The following CBFA2T3 variants were observed in gnomAD, a reference collection of about 807,000 sequenced individuals.
CBFA2T3 encodes transcriptional corepressor CBFA2T3.
Under a neutral mutation model 58.6 loss-of-function variants are expected in CBFA2T3, and 31 were observed. The ratio of observed to expected loss-of-function variants is 0.53; its 90% confidence interval spans 0.40 to 0.71. CBFA2T3 has a LOEUF of 0.71. Among genes scored for constraint, CBFA2T3 ranks in the 30% least tolerant of loss-of-function variants. The probability of loss-of-function intolerance (pLI) is 0.00; values close to 1 mark genes in which losing one functional copy is unlikely to be tolerated. For synonymous variants in CBFA2T3, 531 were observed against 421.9 expected, an observed-to-expected ratio of 1.26 and a Z score of -3.17; for missense variants, 1,076 against 963.1, an observed-to-expected ratio of 1.12 and a Z score of -1.55.
chr16:88,969,277 A>T (rs1972589481), intron 1 of CBFA2T3, among the ~76,000 whole-genome samples: 1 of 151,958 alleles, frequency 6.6e-6, no homozygotes, highest in Non-Finnish European at 1.5e-5. Context: ...CTCAAAACAC[A>T]CCTGGACTTG....
intron 1 of CBFA2T3, among the ~76,000 whole-genome samples, chr16:88,918,726 T>C (rs1223417230): frequency 6.6e-6 from 1 of 152,224 alleles, no homozygotes; most frequent in African/African-American, 2.4e-5. Flanking sequence ...ACTTTTGAAA[T>C]GTCCCAGAAG....
At chr16:88,939,038 C>T (rs993094413) in intron 1 of CBFA2T3, 1 of 152,182 alleles carries the variant, frequency 6.6e-6, no homozygotes, top group Non-Finnish European at 1.5e-5. Flanking sequence ...GGATTAGTGA[C>T]CCAGCCTGCT....
At chr16:88,917,171 C>T (rs1970766045) in intron 1 of CBFA2T3, among the ~76,000 whole-genome samples, 1 of 152,164 alleles carries the variant, frequency 6.6e-6, no homozygotes. Flanking sequence ...CAGGCCCGGG[C>T]TGCAGGAGTT....
intron 1 of CBFA2T3, among the ~76,000 whole-genome samples, chr16:88,904,488 A>G (rs531216044): frequency 6.6e-6 from 1 of 152,342 alleles, no homozygotes; most frequent in Admixed American, 6.5e-5. Flanking sequence ...GCAGGACTCC[A>G]AAGTCTCCGC....
At chr16:88,951,551 G>A (rs1345614664) in intron 1 of CBFA2T3, 1 of 363,752 alleles carries the variant, frequency 2.7e-6, no homozygotes, top group African/African-American at 2.1e-5. Flanking sequence ...TCAGGGTGGC[G>A]ACCGGGTTGC....
At chr16:88,957,517 A>G (rs1481286971) in intron 1 of CBFA2T3, 1 of 152,268 alleles carries the variant, frequency 6.6e-6, no homozygotes, top group African/African-American at 2.4e-5. Context: ...CCACCCCCAG[A>G]CACATCCCCT....
chr16:88,942,398 C>G (rs1971773903), intron 1 of CBFA2T3, among the ~76,000 whole-genome samples: 1 of 152,212 alleles, frequency 6.6e-6, no homozygotes, highest in South Asian at 2.1e-4. Flanking sequence ...TGGTTTGCCT[C>G]TCATTTCGCA....
In CBFA2T3 at chr16:88,977,139, CGCCACTTCCCT is replaced by C; in HGVS notation, c.-343_-333del. On this transcript the variant is annotated 5_prime_UTR_variant, in exon 1 of 12. It removes the in-frame stop codon of an upstream open reading frame in the 5' UTR. Transcript: ENST00000268679. Reference sequence around the variant, plus strand: ...GGGGCCGGAGGCCTGCAGCTGCGCCCGCCACTTCCCTGACAGGAACCATCTGGGGCCCTGCC... The same window carrying C: ...GGGGCCGGAGGCCTGCAGCTGCGCCCGACAGGAACCATCTGGGGCCCTGCC... 3.2e-6 allele frequency: 1 copy of C among 314,718 alleles called. No individual in the cohort carries two copies. 19.5% of individuals were successfully genotyped at this position (314,718 alleles called of 1,614,324 possible).
chr16:88,924,552 G>T (rs1403228754), intron 1 of CBFA2T3, among the ~76,000 whole-genome samples: 2 of 152,174 alleles, frequency 1.3e-5, no homozygotes, highest in Non-Finnish European at 2.9e-5. Flanking sequence ...GGGCCACCAG[G>T]GCAGCTCTCG....
intron 1 of CBFA2T3, among the ~76,000 whole-genome samples, chr16:88,960,043 A>C (rs1337564938): frequency 6.6e-6 from 1 of 152,114 alleles, no homozygotes; most frequent in Non-Finnish European, 1.5e-5. Flanking sequence ...AATAATAATA[A>C]ATTAAAATAA....
intron 1 of CBFA2T3, among the ~76,000 whole-genome samples, chr16:88,969,988 C>T (rs1160868842): frequency 6.6e-6 from 1 of 152,254 alleles, no homozygotes; most frequent in Non-Finnish European, 1.5e-5. Context: ...GGCCCCACTC[C>T]TCCCAGGGAG....
At chr16:88,915,751 AGT>A (rs1970697101) in intron 1 of CBFA2T3, among the ~76,000 whole-genome samples, 1 of 39,382 alleles carries the variant, frequency 2.5e-5, no homozygotes, top group African/African-American at 1.1e-4. Context: ...GTGGGGGGGG[AGT>A]GTTAAGGGGG....
In CBFA2T3 at chr16:88,876,935, T is replaced by C. The variant is rs1287996068; in HGVS notation, c.*41A>G. ...CCGGTGGGCCTGGAGCTGGGTGGGGTTGGCACGGTGCTGTGTCCGGCAGGC... is the reference window on the plus strand; with the variant it reads ...CCGGTGGGCCTGGAGCTGGGTGGGGCTGGCACGGTGCTGTGTCCGGCAGGC... On this transcript the variant is annotated 3_prime_UTR_variant, in exon 12 of 12. Transcript: ENST00000268679. The C allele has an allele frequency of 2.3e-5, 31 of 1,363,304 alleles. No homozygotes were observed. The highest frequency in any genetic ancestry group is 4.6e-5 in the African/African-American group (3 of 64,836). 84.5% of individuals were successfully genotyped at this position (1,363,304 alleles called of 1,614,324 possible).
At chr16:88,928,776 G>C (rs1467997491) in intron 1 of CBFA2T3, among the ~76,000 whole-genome samples, 1 of 152,242 alleles carries the variant, frequency 6.6e-6, no homozygotes, top group Non-Finnish European at 1.5e-5. Context: ...GGGAGGTGTG[G>C]TGGTTGGGAG....
intron 1 of CBFA2T3, chr16:88,937,966 T>C (rs1388328261): frequency 2.0e-5 from 3 of 152,192 alleles, no homozygotes; most frequent in African/African-American, 7.2e-5. Flanking sequence ...TCTGTGATAA[T>C]AGCCGGGCAA....
intron 1 of CBFA2T3, among the ~76,000 whole-genome samples, chr16:88,935,905 TG>T (rs1248668336): frequency 6.6e-6 from 1 of 152,154 alleles, no homozygotes; most frequent in Non-Finnish European, 1.5e-5. Context: ...GATGGGAATA[TG>T]TGGTGTAGGT....
intron 5 of CBFA2T3, chr16:88,887,234 G>C (rs549207628): frequency 6.6e-6 from 1 of 152,254 alleles, no homozygotes; most frequent in Non-Finnish European, 1.5e-5. Context: ...GCCGGCTGCC[G>C]GCCTGTTTTT....
chr16:88,965,553 G>C (rs890062074), intron 1 of CBFA2T3, among the ~76,000 whole-genome samples: 7 of 152,254 alleles, frequency 4.6e-5, no homozygotes, highest in Non-Finnish European at 1.0e-4. Context: ...GCGGGGCAGA[G>C]AGTTTGCAGA....
At chr16:88,898,646 T>C (rs1017412551) in intron 2 of CBFA2T3, among the ~76,000 whole-genome samples, 5 of 152,232 alleles carry the variant, frequency 3.3e-5, no homozygotes, top group Non-Finnish European at 5.9e-5. Context: ...CGAAGCCGCG[T>C]GTCCTAAAAG....
Sources: allele counts gnomAD v4.1 joint callset (sites outside exome capture counted in the v4.1 genomes callset), GRCh38; gene constraint gnomAD v4.1.1; transcripts MANE v1.5; gene names NCBI Gene and HGNC (gene_info 2026-07-23, HGNC 2026-07-21).